The following LARP4B variants were observed in gnomAD, a reference collection of about 807,000 sequenced individuals.
LARP4B encodes the protein la-related protein 4B.
In LARP4B, 12 loss-of-function variants were observed where a neutral mutation model predicts 89.8. That is an observed-to-expected ratio of 0.13 (90% CI 0.09 to 0.22). LARP4B has a LOEUF of 0.22. Ranked by LOEUF, LARP4B falls within the 10% of genes least tolerant of loss-of-function variation. LARP4B has a pLI of 1.00. For missense variants in LARP4B, 757 were observed against 947.7 expected (o/e 0.80, Z 2.64); for synonymous variants, 367 against 363.3 (o/e 1.01, Z -0.12).
At chr10:888,943 G>C (rs1835939500) in intron 1 of LARP4B, among the ~76,000 whole-genome samples, 1 of 152,166 alleles carries the variant, frequency 6.6e-6, no homozygotes, top group Admixed American at 6.5e-5. Context: ...AAATTAGCCG[G>C]GTGTGGTGGC....
chr10:860,944 C>T lies in LARP4B; in HGVS notation c.430+2799G>A, dbSNP rs544506005. Among the ~76,000 whole-genome samples the T allele has an allele frequency of 2.2e-4, 34 of 152,240 alleles. No homozygotes were observed. The South Asian group carries it at 4.4e-3, about 20-fold the overall frequency. On this transcript the variant is annotated intron_variant, in intron 5 of 17. Coordinates refer to ENST00000316157, the MANE Select transcript of LARP4B (RefSeq NM_015155.3). ...GGCCGAGGTGGGCGGGTCATGAGGT[C>T]GGGAGATCAAGACCATCCTGGCTAA...
chr10:934,354 C>G (rs573092131), upstream of LARP4B, among the ~76,000 whole-genome samples: 11 of 151,980 alleles, frequency 7.2e-5, no homozygotes, highest in African/African-American at 2.7e-4. Context: ...ACAAAAGTAG[C>G]CGGGCATGTG....
the LARP4B span, among the ~76,000 whole-genome samples, chr10:964,544 C>T: frequency 1.3e-5 from 2 of 152,190 alleles, no homozygotes; most frequent in South Asian, 4.1e-4. Context: ...TCAATTTGGG[C>T]TTCATAAAAA....
intron 2 of LARP4B, 78 bp from the exon 3 acceptor site, chr10:884,584 G>A: frequency 1.1e-6 from 1 of 918,176 alleles, no homozygotes; most frequent in Non-Finnish European, 1.7e-6. Flanking sequence ...CAGTAATTAG[G>A]CAAAACTAAA....
At chr10:879,516 G>A (rs917933077) in intron 3 of LARP4B, among the ~76,000 whole-genome samples, 2 of 151,156 alleles carry the variant, frequency 1.3e-5, no homozygotes, top group Admixed American at 6.6e-5. Context: ...TATTTTTTTA[G>A]AGACAGGGTC....
intron 1 of LARP4B, among the ~76,000 whole-genome samples, chr10:908,008 C>T (rs1181077141): frequency 6.6e-6 from 1 of 152,204 alleles, no homozygotes; most frequent in Non-Finnish European, 1.5e-5. Context: ...GAGTTCAAGA[C>T]CAGCCTGGCC....
downstream of LARP4B, chr10:808,735 G>A (rs12774722): frequency 0.36 from 54,233 of 150,612 alleles, 10,714 homozygotes; most frequent in South Asian, 0.47. Flanking sequence ...GTGTGTGTGT[G>A]TGTGTGCGTG....
At chr10:908,994 C>T (rs1836578164) in intron 1 of LARP4B, among the ~76,000 whole-genome samples, 1 of 152,184 alleles carries the variant, frequency 6.6e-6, no homozygotes, top group Non-Finnish European at 1.5e-5. Flanking sequence ...GGCGTGGGAG[C>T]TATGAAATTC....
At chr10:846,754 C>T (rs1833797340) in intron 5 of LARP4B, among the ~76,000 whole-genome samples, 1 of 152,142 alleles carries the variant, frequency 6.6e-6, no homozygotes, top group Non-Finnish European at 1.5e-5. Flanking sequence ...GGACAGGGCA[C>T]TAGGGAGGAC....
chr10:824,456 G>GT (rs1483742076), intron 13 of LARP4B, among the ~76,000 whole-genome samples: 2 of 152,080 alleles, frequency 1.3e-5, no homozygotes, highest in African/African-American at 4.8e-5. Flanking sequence ...TCATGCCAAC[G>GT]TACCCCAGCC....
chr10:979,608 C>T, the LARP4B span, among the ~76,000 whole-genome samples: 11 of 152,152 alleles, frequency 7.2e-5, no homozygotes, highest in African/African-American at 2.7e-4. Flanking sequence ...GATGGCTTCC[C>T]ACAGTTGCCA....
At chr10:965,078 GA>G in the LARP4B span, among the ~76,000 whole-genome samples, 5 of 152,216 alleles carry the variant, frequency 3.3e-5, no homozygotes, top group African/African-American at 4.8e-5. Flanking sequence ...GCCGGGAGTG[GA>G]CGGGGGACCT....
the LARP4B span, among the ~76,000 whole-genome samples, chr10:952,209 G>A: frequency 1.3e-5 from 2 of 151,538 alleles, no homozygotes; most frequent in Admixed American, 6.6e-5. Context: ...GCTTGGTGGC[G>A]GGCACCTGTA....
chr10:923,611 T>C (rs146607475), intron 1 of LARP4B, among the ~76,000 whole-genome samples: 58 of 151,798 alleles, frequency 3.8e-4, no homozygotes, highest in Admixed American at 2.2e-3. Flanking sequence ...AATACAAATA[T>C]GTAATCAACA....
At chr10:950,605 A>G in the LARP4B span, among the ~76,000 whole-genome samples, 1 of 152,188 alleles carries the variant, frequency 6.6e-6, no homozygotes, top group Non-Finnish European at 1.5e-5. Flanking sequence ...TATTTTTGCT[A>G]TAATGAGTCT....
At position 859,096 on chromosome 10, in the gene LARP4B, T is replaced by C. The variant is rs187745670; in HGVS notation, c.430+4647A>G. Among the ~76,000 whole-genome samples, 294 of 152,106 alleles carry C rather than the reference T, an allele frequency of 1.9e-3. 1 individual carries two copies. The highest frequency in any genetic ancestry group is 2.4e-3 in the Non-Finnish European group (160 of 67,974). On this transcript the variant is annotated intron_variant, in intron 5 of 17. Transcript: ENST00000316157. ...GAGTTTGAGACCAGACTGGCCAACA[T>C]GGTGAAACCCCGTATCTACTAAAAA...
chr10:823,029 C>A (rs1832436733), intron 13 of LARP4B, among the ~76,000 whole-genome samples: 1 of 152,186 alleles, frequency 6.6e-6, no homozygotes, highest in Admixed American at 6.5e-5. Flanking sequence ...GTTCTCAGGG[C>A]AAGCAAGGCC....
In LARP4B at chr10:842,990, G is replaced by A. The variant is rs759426054; in HGVS notation, c.588C>T (p.Asn196=). 2.5e-5 allele frequency: 41 copies of A among 1,613,986 alleles called. No homozygotes were observed. The East Asian group carries it at 8.0e-4, about 32-fold the overall frequency. Residue 196 remains asparagine (N), a synonymous_variant, in exon 7 of 18, where the codon AAC becomes AAT. Coordinates refer to ENST00000316157, the MANE Select transcript of LARP4B (RefSeq NM_015155.3). ...DQYVPITTVA[N]LDHIKKLSTD... is the part of the protein sequence containing the mutation. ...TGCTGAGCTTCTTGATGTGGTCGAG[G>A]TTAGCCACCGTTGTGATTGGCACAT... is the stretch of plus-strand genomic sequence containing the variant.
chr10:969,163 G>A, the LARP4B span, among the ~76,000 whole-genome samples: 7 of 152,168 alleles, frequency 4.6e-5, no homozygotes, highest in East Asian at 3.9e-4. Flanking sequence ...AGGCAAACAC[G>A]AAAGATCTTT....
Sources: allele counts gnomAD v4.1 joint callset (sites outside exome capture counted in the v4.1 genomes callset), GRCh38; gene constraint gnomAD v4.1.1; transcripts MANE v1.5; gene names NCBI Gene and HGNC (gene_info 2026-07-23, HGNC 2026-07-21).